CSMD1: variants seen among roughly 807,000 people sequenced by gnomAD.
CSMD1 encodes CUB and sushi domain-containing protein 1.
A neutral mutation model predicts 417.5 loss-of-function variants in CSMD1; 213 were observed. The ratio of observed to expected loss-of-function variants is 0.51; its 90% CI spans 0.46 to 0.57. The LOEUF is 0.57. CSMD1 is among the 20% of genes least tolerant of loss of function. The pLI is 0.00. For missense variants in CSMD1, 6,923 were observed against 4,529.7 expected, an observed-to-expected ratio of 1.53 and a Z score of -15.17; for synonymous variants, 2,862 against 1,736.8, an observed-to-expected ratio of 1.65 and a Z score of -16.11.
intron 2 of CSMD1, among the ~76,000 whole-genome samples, chr8:4,608,476 T>C (rs1800998968): frequency 6.6e-6 from 1 of 152,090 alleles, no homozygotes; most frequent in Non-Finnish European, 1.5e-5. Flanking sequence ...AGAGACAGAG[T>C]GTCAAGAAAC....
intron 10 of CSMD1, among the ~76,000 whole-genome samples, chr8:3,554,503 G>C (rs1232476230): frequency 1.3e-5 from 2 of 152,132 alleles, no homozygotes; most frequent in East Asian, 1.9e-4. Context: ...GGGAAGCAAG[G>C]CCACATAAAT....
chr8:4,774,449 C>T (rs565167658), intron 1 of CSMD1, among the ~76,000 whole-genome samples: 1 of 152,110 alleles, frequency 6.6e-6, no homozygotes, highest in African/African-American at 2.4e-5. Flanking sequence ...AAGTATACTC[C>T]TCTAACAATG....
At chr8:4,537,175 A>G (rs970832937) in intron 2 of CSMD1, among the ~76,000 whole-genome samples, 1 of 152,206 alleles carries the variant, frequency 6.6e-6, no homozygotes, top group African/African-American at 2.4e-5. Flanking sequence ...CTGTCATGAG[A>G]CTACTATTTA....
At chr8:3,535,518 A>G (rs1004427547) in intron 10 of CSMD1, among the ~76,000 whole-genome samples, 1 of 152,152 alleles carries the variant, frequency 6.6e-6, no homozygotes, top group Non-Finnish European at 1.5e-5. Context: ...ATAGAGTGTG[A>G]CCTGTAAGAC....
intron 6 of CSMD1, among the ~76,000 whole-genome samples, chr8:3,736,680 C>T (rs13268573): frequency 0.35 from 52,453 of 151,872 alleles, 9,200 homozygotes; most frequent in Admixed American, 0.39. Flanking sequence ...GACTCAGCTT[C>T]CGCAGAATGG....
intron 1 of CSMD1, among the ~76,000 whole-genome samples, chr8:4,788,805 C>A (rs1016900807): frequency 1.3e-5 from 2 of 152,042 alleles, no homozygotes; most frequent in Non-Finnish European, 2.9e-5. Flanking sequence ...AACATGACAT[C>A]TGCTTTTGAA....
chr8:3,606,487 A>G (rs1057057166), intron 8 of CSMD1, among the ~76,000 whole-genome samples: 3 of 137,362 alleles, frequency 2.2e-5, no homozygotes, highest in Non-Finnish European at 4.8e-5. Context: ...AAGACGGAAG[A>G]TGTCTCATTC....
chr8:4,672,768 T>C (rs553138840), intron 1 of CSMD1, among the ~76,000 whole-genome samples: 1 of 152,072 alleles, frequency 6.6e-6, no homozygotes, highest in East Asian at 1.9e-4. Flanking sequence ...GTCACATGCA[T>C]ACATGGTGAC....
chr8:4,673,033 T>C (rs1247248821), intron 1 of CSMD1, among the ~76,000 whole-genome samples: 1 of 151,308 alleles, frequency 6.6e-6, no homozygotes, highest in South Asian at 2.1e-4. Flanking sequence ...ACGCACACGG[T>C]GACACAACAC....
At chr8:4,903,093 C>G (rs1585296135) in intron 1 of CSMD1, among the ~76,000 whole-genome samples, 1 of 151,876 alleles carries the variant, frequency 6.6e-6, no homozygotes, top group South Asian at 2.1e-4. Flanking sequence ...CGCAGCCATA[C>G]ACTGTTCCAC....
chr8:3,740,666 G>A (rs940012082), intron 6 of CSMD1, among the ~76,000 whole-genome samples: 5 of 152,166 alleles, frequency 3.3e-5, no homozygotes, highest in Admixed American at 6.5e-5. Flanking sequence ...TAGATTTTAC[G>A]AGATGTATTG....
chr8:4,867,695 G>T (rs116213911), intron 1 of CSMD1, among the ~76,000 whole-genome samples: 11 of 152,052 alleles, frequency 7.2e-5, no homozygotes, highest in African/African-American at 2.4e-4. Flanking sequence ...AGAATCCCTT[G>T]ATTTGTGTGT....
At chr8:3,747,089 G>T (rs150491281) in intron 6 of CSMD1, among the ~76,000 whole-genome samples, 1 of 152,226 alleles carries the variant, frequency 6.6e-6, no homozygotes, top group Admixed American at 6.5e-5. Flanking sequence ...AGTGGGAGCA[G>T]TATGACAAGT....
chr8:4,781,669 G>C (rs954534112), intron 1 of CSMD1, among the ~76,000 whole-genome samples: 5 of 152,130 alleles, frequency 3.3e-5, no homozygotes, highest in Admixed American at 6.6e-5. Context: ...ACTGTAAAAT[G>C]GTATCGGTCA....
rs1805881092 is a variant in CSMD1 at position 3,317,900 on chromosome 8, T to A, written c.3632-9397A>T. ...ATCTTGGCTCACTACAGCCTTGACC[T>A]AGCAGGCTCAAGCGATCCTCCCACC... On this transcript the variant is annotated intron_variant, in intron 23 of 69. Transcript: ENST00000635120. Among the ~76,000 whole-genome samples the A allele has an allele frequency of 2.0e-5, 3 of 152,310 alleles. No individual in the cohort carries two copies. The East Asian group carries it at 5.8e-4, about 29-fold the overall frequency.
At chr8:4,737,181 T>C (rs1296438001) in intron 1 of CSMD1, among the ~76,000 whole-genome samples, 1 of 152,168 alleles carries the variant, frequency 6.6e-6, no homozygotes, top group Admixed American at 6.5e-5. Flanking sequence ...TCATGTCCTC[T>C]GCAGGGACAT....
chr8:3,147,134 C>G (rs1236375851), intron 40 of CSMD1, among the ~76,000 whole-genome samples: 1 of 152,116 alleles, frequency 6.6e-6, no homozygotes, highest in East Asian at 1.9e-4. Flanking sequence ...ATCAAGGAAA[C>G]AGATATGTAT....
At chr8:4,724,315 A>G (rs1809267058) in intron 1 of CSMD1, among the ~76,000 whole-genome samples, 1 of 152,144 alleles carries the variant, frequency 6.6e-6, no homozygotes, top group South Asian at 2.1e-4. Flanking sequence ...GGTTATCTAT[A>G]TCACTACTGA....
chr8:4,230,763 G>GT (rs201745669), intron 3 of CSMD1, among the ~76,000 whole-genome samples: 2,090 of 150,982 alleles, frequency 0.014, 50 homozygotes, highest in African/African-American at 0.046. Context: ...AATTCTATCA[G>GT]TTTTTTTTTG....
Sources: allele counts gnomAD v4.1 joint callset (sites outside exome capture counted in the v4.1 genomes callset), GRCh38; gene constraint gnomAD v4.1.1; transcripts MANE v1.5; gene names NCBI Gene and HGNC (gene_info 2026-07-23, HGNC 2026-07-21).